The following GRID2 variants were observed in gnomAD, a reference collection of about 807,000 sequenced individuals.
The protein encoded by GRID2 is glutamate receptor ionotropic, delta-2.
In GRID2, 33 loss-of-function variants were observed where a neutral mutation model predicts 114.8. That is an observed-to-expected ratio of 0.29 (90% CI 0.22 to 0.38). The LOEUF is 0.38. Ranked by LOEUF, GRID2 falls within the 10% of genes least tolerant of loss-of-function variation. The pLI is 1.00. For synonymous variants in GRID2, 505 were observed against 449.9 expected (o/e 1.12, Z -1.55); for missense variants, 1,184 against 1,257.7 (o/e 0.94, Z 0.89).
At chr4:93,331,807 T>C (rs554318676) in intron 8 of GRID2, among the ~76,000 whole-genome samples, 1 of 152,208 alleles carries the variant, frequency 6.6e-6, no homozygotes, top group East Asian at 1.9e-4. Context: ...CTTTACAGGG[T>C]TCTTAAAAGG....
chr4:93,699,919 C>G (rs1290474597), intron 14 of GRID2, among the ~76,000 whole-genome samples: 3 of 152,074 alleles, frequency 2.0e-5, no homozygotes, highest in Non-Finnish European at 4.4e-5. Flanking sequence ...CATATTTGCT[C>G]TAAACTAGAC....
chr4:92,950,127 G>A (rs1751921426), intron 2 of GRID2, among the ~76,000 whole-genome samples: 1 of 152,226 alleles, frequency 6.6e-6, no homozygotes. Context: ...CACGTTTGGG[G>A]AACTAATCAT....
chr4:93,327,269 A>G (rs181145379), intron 8 of GRID2, among the ~76,000 whole-genome samples: 4 of 152,308 alleles, frequency 2.6e-5, no homozygotes, highest in African/African-American at 9.6e-5. Context: ...AGTTTATAAA[A>G]CATTTCAAAC....
At chr4:93,258,172 T>G (rs939252170) in intron 8 of GRID2, among the ~76,000 whole-genome samples, 2 of 151,526 alleles carry the variant, frequency 1.3e-5, no homozygotes, top group Non-Finnish European at 3.0e-5. Flanking sequence ...GATATAGTTT[T>G]GTTGTGTTTG....
At chr4:92,546,752 T>C (rs948589124) in intron 1 of GRID2, among the ~76,000 whole-genome samples, 3 of 152,246 alleles carry the variant, frequency 2.0e-5, no homozygotes, top group African/African-American at 4.8e-5. Flanking sequence ...TTAGGATTCC[T>C]AGTCTTACTA....
At chr4:93,094,382 A>G (rs1294575993) in intron 3 of GRID2, among the ~76,000 whole-genome samples, 1 of 152,052 alleles carries the variant, frequency 6.6e-6, no homozygotes, top group African/African-American at 2.4e-5. Context: ...TTATATGCAT[A>G]TGGAGATTAA....
At chr4:93,303,738 T>A (rs1755116417) in intron 8 of GRID2, among the ~76,000 whole-genome samples, 1 of 151,186 alleles carries the variant, frequency 6.6e-6, no homozygotes, top group Admixed American at 6.6e-5. Flanking sequence ...CAGCAATCCA[T>A]TCTACCATCC....
rs376938717 is a variant in GRID2, at chr4:92,739,114, G to T, written c.244+148828G>T. 4.6e-5 allele frequency among the ~76,000 whole-genome samples: 7 copies of T among 152,164 alleles called. No individual in the cohort carries two copies. The East Asian group carries it at 9.6e-4, about 21-fold the overall frequency. On this transcript the variant is annotated intron_variant, in intron 2 of 15. Coordinates refer to ENST00000282020, the MANE Select transcript of GRID2 (RefSeq NM_001510.4). ...TCTCTCTCCAGACTATTTATAGTCA[G>T]TATCATTTTGTTATCTCTGTCATAG...
At chr4:92,534,033 A>T (rs764570239) in intron 1 of GRID2, among the ~76,000 whole-genome samples, 17 of 152,088 alleles carry the variant, frequency 1.1e-4, no homozygotes, top group Non-Finnish European at 2.4e-4. Flanking sequence ...TCATATGGAA[A>T]TATCATTGTT....
chr4:92,843,015 G>A (rs1347267790), intron 2 of GRID2, among the ~76,000 whole-genome samples: 1 of 152,090 alleles, frequency 6.6e-6, no homozygotes, highest in Non-Finnish European at 1.5e-5. Flanking sequence ...AAGGCTGGAG[G>A]ATCATTTGAG....
At chr4:93,065,389 A>C (rs2149298235) in intron 2 of GRID2, among the ~76,000 whole-genome samples, 1 of 152,066 alleles carries the variant, frequency 6.6e-6, no homozygotes, top group Middle Eastern at 3.4e-3. Flanking sequence ...ACAGTAAGAG[A>C]AAATTTCAAG....
intron 4 of GRID2, among the ~76,000 whole-genome samples, chr4:93,204,876 A>C (rs149113449): frequency 6.6e-6 from 1 of 152,276 alleles, no homozygotes; most frequent in East Asian, 1.9e-4. Context: ...AATGAGGATA[A>C]CTTAAGCTAA....
At chr4:93,163,201 A>T (rs1484117680) in intron 4 of GRID2, among the ~76,000 whole-genome samples, 1 of 151,454 alleles carries the variant, frequency 6.6e-6, no homozygotes. Context: ...TATACAAATT[A>T]TATGTGTATT....
intron 4 of GRID2, among the ~76,000 whole-genome samples, chr4:93,176,815 G>C (rs1444792549): frequency 6.6e-6 from 1 of 152,094 alleles, no homozygotes; most frequent in East Asian, 1.9e-4. Context: ...CTATGTTTAT[G>C]TTATCTCTGA....
At chr4:92,876,430 G>C (rs1745636059) in intron 2 of GRID2, among the ~76,000 whole-genome samples, 1 of 151,912 alleles carries the variant, frequency 6.6e-6, no homozygotes, top group African/African-American at 2.4e-5. Flanking sequence ...TCAGCCTCCA[G>C]AGTAGCTGGG....
At chr4:93,706,339 A>G (rs755705661) in intron 14 of GRID2, among the ~76,000 whole-genome samples, 3 of 151,916 alleles carry the variant, frequency 2.0e-5, no homozygotes, top group African/African-American at 4.8e-5. Flanking sequence ...ATTTTTTTAC[A>G]TCCTCTTCAA....
intron 13 of GRID2, among the ~76,000 whole-genome samples, chr4:93,531,054 T>A (rs1286464660): frequency 2.0e-5 from 3 of 152,160 alleles, no homozygotes; most frequent in African/African-American, 7.2e-5. Flanking sequence ...AACTGAGACT[T>A]ATCACTTTGA....
intron 2 of GRID2, among the ~76,000 whole-genome samples, chr4:92,934,664 A>G (rs1578520490): frequency 6.8e-6 from 1 of 146,934 alleles, no homozygotes; most frequent in African/African-American, 2.4e-5. Context: ...TAACCAAAAC[A>G]GCATGGTACT....
Position 93,522,366 on chromosome 4 carries a change from A to G in GRID2, c.2193+6955A>G, listed in dbSNP as rs150049599. Among the ~76,000 whole-genome samples the G allele has an allele frequency of 5.3e-5, 8 of 152,282 alleles. No homozygotes were observed. The East Asian group carries it at 1.5e-3, about 29-fold the overall frequency. The stretch of plus-strand genomic sequence containing the variant: ...CTAAAATATAATAAACTTTCTAGAC[A>G]AGACTGAAGGGGTTTGTAATCGGTG... On this transcript the variant is annotated intron_variant, in intron 13 of 15. Coordinates refer to ENST00000282020, the MANE Select transcript of GRID2 (RefSeq NM_001510.4).
Sources: gnomAD v4.1 joint callset for allele counts (sites outside exome capture counted in the v4.1 genomes callset) on GRCh38, gnomAD v4.1.1 for gene constraint, MANE v1.5 for transcripts, NCBI Gene and HGNC (gene_info 2026-07-23, HGNC 2026-07-21) for gene names.